The following GRIP2 variants were observed in gnomAD, a reference collection of about 807,000 sequenced individuals.
The protein encoded by GRIP2 is glutamate receptor interacting protein 2.
Under a neutral mutation model 108.3 loss-of-function variants are expected in GRIP2, and 58 were observed. The observed-to-expected ratio is 0.54, with a 90% CI of 0.43 to 0.67. The LOEUF (loss-of-function observed/expected upper bound fraction) is 0.67, where lower values mean the gene tolerates loss of function less well. Among genes scored for constraint, GRIP2 ranks in the 30% least tolerant of loss-of-function variants. The probability of loss-of-function intolerance (pLI) is 0.00; values close to 1 mark genes in which losing one functional copy is unlikely to be tolerated. For synonymous variants in GRIP2, 586 were observed against 598.2 expected (o/e 0.98, Z 0.30); for missense variants, 1,278 against 1,430.6 (o/e 0.89, Z 1.72).
the GRIP2 span, among the ~76,000 whole-genome samples, chr3:14,596,553 T>C: frequency 1.3e-5 from 2 of 152,048 alleles, no homozygotes; most frequent in African/African-American, 4.8e-5. Flanking sequence ...TACCATGCAA[T>C]ATACTAGTCA....
At chr3:14,549,736 A>C (rs1695113977) in intron 1 of GRIP2, among the ~76,000 whole-genome samples, 1 of 152,178 alleles carries the variant, frequency 6.6e-6, no homozygotes, top group Admixed American at 6.5e-5. Flanking sequence ...CATTTACTTC[A>C]GTCCCATGAG....
At chr3:14,562,347 G>C in the GRIP2 span, among the ~76,000 whole-genome samples, 2 of 152,162 alleles carry the variant, frequency 1.3e-5, no homozygotes, top group Non-Finnish European at 2.9e-5. Flanking sequence ...GCCAGCTGGA[G>C]GGGTCTCCCA....
chr3:14,561,032 C>T (rs750694689), upstream of GRIP2, among the ~76,000 whole-genome samples: 16 of 152,172 alleles, frequency 1.1e-4, no homozygotes, highest in East Asian at 1.3e-3. Context: ...CTGAGCAGTT[C>T]GACTGGAAGA....
Position 14,493,807 on chromosome 3 carries a change from C to T in GRIP2, c.2990G>A (p.Arg997Gln), listed in dbSNP as rs753857586. 1.1e-5 allele frequency: 18 copies of T among 1,612,568 alleles called. No individual in the cohort carries two copies. The East Asian group carries it at 1.3e-4, about 12-fold the overall frequency. The change falls in exon 24 of 24, where the codon CGG becomes CAG. Residue 997 changes from arginine to glutamine, a missense_variant. Coordinates refer to ENST00000621039, the MANE Select transcript of GRIP2 (RefSeq NM_001080423.4). ...CACCGCCAGGCAGCAGTCGAAGTCC[C>T]GTGTACGGACGTGGTTGACCTGCAT... ...RVLQVNHVRT[R>Q]DFDCCLAVPL...
chr3:14,494,371 G>A (rs558422542), intron 23 of GRIP2, among the ~76,000 whole-genome samples: 11 of 152,302 alleles, frequency 7.2e-5, no homozygotes, highest in South Asian at 4.1e-4. Flanking sequence ...GAGAAGGGGC[G>A]GCACGGAGTG....
the GRIP2 span, chr3:14,573,744 G>C: frequency 2.8e-5 from 41 of 1,478,716 alleles, no homozygotes; most frequent in East Asian, 8.6e-4. Context: ...CTCCCAAGAG[G>C]GCTCATCATA....
intron 1 of GRIP2, among the ~76,000 whole-genome samples, chr3:14,547,314 A>T (rs899774603): frequency 6.6e-6 from 1 of 152,224 alleles, no homozygotes; most frequent in African/African-American, 2.4e-5. Context: ...GCAAGGGCAC[A>T]CACAGACGGA....
chr3:14,602,781 T>C, the GRIP2 span, among the ~76,000 whole-genome samples: 17 of 151,452 alleles, frequency 1.1e-4, no homozygotes, highest in African/African-American at 4.1e-4. The surrounding 1 kb of genome is among the most constrained non-coding windows in gnomAD (Gnocchi z 4.7). Flanking sequence ...CTCCTGCGCC[T>C]CGGGTGCCGG....
At chr3:14,494,212 A>G (rs908947296) in intron 23 of GRIP2, among the ~76,000 whole-genome samples, 4 of 152,246 alleles carry the variant, frequency 2.6e-5, no homozygotes, top group Non-Finnish European at 5.9e-5. Context: ...GGGGTGCAAG[A>G]TTTTCACTCC....
intron 1 of GRIP2, among the ~76,000 whole-genome samples, chr3:14,532,634 C>T (rs940478123): frequency 3.9e-5 from 6 of 151,920 alleles, no homozygotes; most frequent in Admixed American, 2.6e-4. Context: ...GGGACTCAAC[C>T]TGGGTCAGGG....
At chr3:14,576,619 C>T in the GRIP2 span, among the ~76,000 whole-genome samples, 2 of 152,210 alleles carry the variant, frequency 1.3e-5, no homozygotes, top group African/African-American at 2.4e-5. Flanking sequence ...ATATCAGATA[C>T]GCATTTTACA....
At position 14,514,275 on chromosome 3, in the gene GRIP2, G is replaced by C. The variant is rs940753915; in HGVS notation, c.1493+17C>G. On this transcript the variant is annotated intron_variant, in intron 12 of 23. Coordinates refer to ENST00000621039, the MANE Select transcript of GRIP2 (RefSeq NM_001080423.4). ...CAGAGAGTGGCAGGCTCAGTAGGGA[G>C]GGGGCAGGAGGCTCACCTCTCAGCC... The C allele has an allele frequency of 2.6e-6, 4 of 1,535,646 alleles. No individual in the cohort carries two copies. The highest frequency in any genetic ancestry group is 3.5e-6 in the Non-Finnish European group (4 of 1,138,988).
rs532423364 is a variant in GRIP2, at chr3:14,503,262, A to C, written c.2679+304T>G. 5.4e-4 allele frequency among the ~76,000 whole-genome samples: 83 copies of C among 152,384 alleles called. 1 individual carries two copies. The Middle Eastern group carries it at 0.014, about 25-fold the overall frequency. On this transcript the variant is annotated intron_variant, in intron 21 of 23. Coordinates refer to ENST00000621039, the MANE Select transcript of GRIP2 (RefSeq NM_001080423.4). ...AAATACACTCTGCAAATGTGCATGC[A>C]TGAGCATGTTCACATGCATGCATAC...
chr3:14,506,540 A>G (rs1693932402), intron 19 of GRIP2, among the ~76,000 whole-genome samples: 1 of 152,218 alleles, frequency 6.6e-6, no homozygotes, highest in South Asian at 2.1e-4. Context: ...GTAACTTCAC[A>G]GTGGGGAAAG....
At chr3:14,497,896 A>G (rs187526823) in intron 21 of GRIP2, among the ~76,000 whole-genome samples, 102 of 152,302 alleles carry the variant, frequency 6.7e-4, no homozygotes, top group African/African-American at 1.9e-3. Context: ...AGTCAGGAGT[A>G]TGTGGCCCTG....
At chr3:14,557,489 T>G (rs759891634), upstream of GRIP2, among the ~76,000 whole-genome samples, 1 of 152,174 alleles carries the variant, frequency 6.6e-6, no homozygotes, top group African/African-American at 2.4e-5. Context: ...GGAGGCTCTG[T>G]TGGGGCAACT....
At chr3:14,595,441 C>T in the GRIP2 span, among the ~76,000 whole-genome samples, 24 of 152,172 alleles carry the variant, frequency 1.6e-4, no homozygotes, top group Non-Finnish European at 3.2e-4. Context: ...AGGTATGAGC[C>T]GCCTGCACTT....
intron 11 of GRIP2, among the ~76,000 whole-genome samples, chr3:14,516,064 C>T (rs1694239307): frequency 6.6e-6 from 1 of 152,122 alleles, no homozygotes; most frequent in African/African-American, 2.4e-5. Flanking sequence ...TTACACATCC[C>T]AGGAAGGAGA....
rs375362110 is a variant in GRIP2, at chr3:14,524,431, C to A, written c.365G>T (p.Arg122Leu). Residue 122 changes from arginine to leucine, a missense_variant, in exon 4 of 24, where the codon CGC becomes CTC. Physicochemically the swap from Arg to Leu is moderately radical, Grantham distance 102. Coordinates refer to ENST00000621039, the MANE Select transcript of GRIP2 (RefSeq NM_001080423.4). ...IITLLKNVGE[R>L]VVLEVEYELP... ...CTCATACTCCACCTCCAGCACCACG[C>A]GCTCGCCCACATTCTTGAGCAGGGT... is the stretch of plus-strand genomic sequence containing the variant. 288 of 1,607,682 alleles carry A rather than the reference C, an allele frequency of 1.8e-4. 1 individual carries two copies. The highest frequency in any genetic ancestry group is 6.0e-4 in the South Asian group (54 of 89,302).
Sources: allele counts gnomAD v4.1 joint callset (sites outside exome capture counted in the v4.1 genomes callset), GRCh38; gene constraint gnomAD v4.1.1; non-coding constraint Gnocchi (gnomAD v3.1); transcripts MANE v1.5; gene names NCBI Gene and HGNC (gene_info 2026-07-23, HGNC 2026-07-21).